The following TRIM33 variants were observed in gnomAD, a reference collection of about 807,000 sequenced individuals.
The protein encoded by TRIM33 is tripartite motif containing 33, also known as E3 ubiquitin-protein ligase TRIM33.
In TRIM33, 20 loss-of-function variants were observed where a neutral mutation model predicts 125.4. The ratio of observed to expected loss-of-function variants is 0.16; its 90% CI spans 0.11 to 0.23. The LOEUF (loss-of-function observed/expected upper bound fraction) is 0.23, where lower values mean the gene tolerates loss of function less well. TRIM33 is among the 10% of genes least tolerant of loss of function. TRIM33 has a pLI of 1.00. For synonymous variants in TRIM33, 564 were observed against 513.9 expected, an observed-to-expected ratio of 1.10 and a Z score of -1.32; for missense variants, 920 against 1,411.4, an observed-to-expected ratio of 0.65 and a Z score of 5.58.
Position 114,396,183 on chromosome 1 carries a change from C to G in TRIM33, c.*1465G>C, listed in dbSNP as rs1412756219. ...AATCTTTAATCAAACAAAAGAGAAG[C>G]CTGTAACAGTGTAGAACACACATTT... On this transcript the variant is annotated 3_prime_UTR_variant, in exon 20 of 20. Coordinates refer to ENST00000358465, the MANE Select transcript of TRIM33 (RefSeq NM_015906.4). 5 of 203,038 alleles carry G rather than the reference C, an allele frequency of 2.5e-5. No homozygotes were observed. The highest frequency in any genetic ancestry group is 1.0e-5 in the Non-Finnish European group (1 of 98,620). 12.6% of individuals were successfully genotyped at this position (203,038 alleles called of 1,614,324 possible).
chr1:114,421,390 AATTAAC>A (rs765164680), intron 11 of TRIM33, 40 bp downstream of exon 11: 3 of 1,527,458 alleles, frequency 2.0e-6, no homozygotes, highest in East Asian at 2.3e-5. Context: ...CTAACTCTGT[AATTAAC>A]ATTAAGTTTA....
chr1:114,492,923 T>C (rs2101541535), intron 1 of TRIM33, among the ~76,000 whole-genome samples: 1 of 152,342 alleles, frequency 6.6e-6, no homozygotes, highest in Admixed American at 6.5e-5. Context: ...GTCACAGATA[T>C]GTAAGAATGG....
chr1:114,442,708 A>G (rs1199886264), intron 4 of TRIM33, among the ~76,000 whole-genome samples: 3 of 151,128 alleles, frequency 2.0e-5, no homozygotes, highest in Non-Finnish European at 4.4e-5. Flanking sequence ...AAAAAAAGAA[A>G]AAAAAAGAAA....
chr1:114,429,830 T>C (rs1023641204), intron 6 of TRIM33, among the ~76,000 whole-genome samples: 3 of 152,116 alleles, frequency 2.0e-5, no homozygotes, highest in Admixed American at 6.5e-5. Flanking sequence ...TCAGGAAACA[T>C]TTCTCTTTCT....
chr1:114,459,302 C>T (rs1420925699), intron 4 of TRIM33, among the ~76,000 whole-genome samples: 1 of 152,082 alleles, frequency 6.6e-6, no homozygotes, highest in Non-Finnish European at 1.5e-5. Flanking sequence ...AATCACGCAT[C>T]CCTAAATAAT....
intron 17 of TRIM33, among the ~76,000 whole-genome samples, chr1:114,400,610 C>A (rs1651813335): frequency 6.6e-6 from 1 of 152,212 alleles, no homozygotes; most frequent in South Asian, 2.1e-4. Context: ...CAGATGATTA[C>A]TGCTTGTACA....
At chr1:114,457,272 AGT>A (rs1190500775) in intron 4 of TRIM33, among the ~76,000 whole-genome samples, 1 of 152,190 alleles carries the variant, frequency 6.6e-6, no homozygotes, top group East Asian at 1.9e-4. Context: ...GATTTTGGGA[AGT>A]GTCAGCCACA....
At chr1:114,449,756 C>T (rs879444954) in intron 4 of TRIM33, among the ~76,000 whole-genome samples, 8 of 152,158 alleles carry the variant, frequency 5.3e-5, no homozygotes, top group Non-Finnish European at 7.3e-5. Context: ...ATGCTGCAAT[C>T]GCTAATGTTT....
At position 114,427,314 on chromosome 1, in the gene TRIM33, A is replaced by G; in HGVS notation, c.1303-20T>C. 8.0e-7 allele frequency: 1 copy of G among 1,254,038 alleles called. No individual in the cohort carries two copies. The highest frequency in any genetic ancestry group is 1.1e-6 in the Non-Finnish European group (1 of 876,478). The allele number at this position is 1,254,038 out of a possible 1,614,324, so 77.7% of individuals were successfully genotyped here. ...AGTAATCTTAAAGGGAAAAAAATCCACATTAGTCTCAAAATTAAATATCAA... is the reference window on the plus strand; with the variant it reads ...AGTAATCTTAAAGGGAAAAAAATCCGCATTAGTCTCAAAATTAAATATCAA... On this transcript the variant is annotated intron_variant, in intron 7 of 19. Coordinates refer to ENST00000358465, the MANE Select transcript of TRIM33 (RefSeq NM_015906.4).
chr1:114,481,695 GTATA>G (rs1395240162), intron 1 of TRIM33, among the ~76,000 whole-genome samples: 1 of 150,498 alleles, frequency 6.6e-6, no homozygotes, highest in African/African-American at 2.4e-5. Context: ...ATATATGTGT[GTATA>G]TATATATTTT....
At chr1:114,424,147 T>TAA (rs201249622) in intron 10 of TRIM33, among the ~76,000 whole-genome samples, 2 of 150,916 alleles carry the variant, frequency 1.3e-5, no homozygotes, top group African/African-American at 2.4e-5. Flanking sequence ...AGAGAAAAGG[T>TAA]AAAAAAAAAT....
chr1:114,424,730 G>A lies in TRIM33; in HGVS notation c.1721C>T (p.Thr574Ile). The A allele has an allele frequency of 6.3e-7, 1 of 1,586,870 alleles. No homozygotes were observed. Among genetic ancestry groups the A allele is most frequent in the Non-Finnish European group, 8.6e-7 (1 of 1,166,596 alleles). ...ACAGTTCATGTTGCCTCTTTGCATT[G>A]TTTGCACACTGATCAATCGAGGAGG... ...QQPPRLISVQTMQRGNMNCGA... is the reference protein window; with the variant it reads ...QQPPRLISVQIMQRGNMNCGA... Residue 574 changes from threonine (T) to isoleucine (I), a missense_variant, in exon 10 of 20, where the codon ACA becomes ATA. Thr to Ile is a moderately conservative substitution (Grantham distance 89). Transcript: ENST00000358465.
chr1:114,475,019 T>C (rs1390085740), intron 1 of TRIM33, among the ~76,000 whole-genome samples: 1 of 151,928 alleles, frequency 6.6e-6, no homozygotes, highest in Non-Finnish European at 1.5e-5. Flanking sequence ...CTCAGGAAGA[T>C]ATAGTTATAT....
At chr1:114,476,937 A>G (rs970772959) in intron 1 of TRIM33, among the ~76,000 whole-genome samples, 1 of 152,200 alleles carries the variant, frequency 6.6e-6, no homozygotes, top group African/African-American at 2.4e-5. Flanking sequence ...ATCTAGAACA[A>G]AAGAGTGAAA....
intron 11 of TRIM33, among the ~76,000 whole-genome samples, chr1:114,419,200 C>CAAAAAAAAAAAAA (rs35757503): frequency 3.7e-5 from 2 of 54,304 alleles, no homozygotes; most frequent in African/African-American, 1.2e-4. Flanking sequence ...GACACCATCT[C>CAAAAAAAAAAAAA]AAAAAAAAAA....
In TRIM33 at chr1:114,394,197, G is replaced by T. The variant is rs1651423032; in HGVS notation, c.*3451C>A. 4.4e-6 allele frequency: 1 copy of T among 229,108 alleles called. No individual in the cohort carries two copies. The highest frequency in any genetic ancestry group is 8.7e-6 in the Non-Finnish European group (1 of 115,310). 14.2% of individuals were successfully genotyped at this position (229,108 alleles called of 1,614,324 possible). ...TTATAAAACTACTCACTGATCCGAT[G>T]CTGAGTATGCAAATAAGCAGTGCTG... On this transcript the variant is annotated 3_prime_UTR_variant, in exon 20 of 20. Coordinates refer to ENST00000358465, the MANE Select transcript of TRIM33 (RefSeq NM_015906.4).
rs542062084 is a variant in TRIM33 at position 114,498,493 on chromosome 1, A to C, written c.526+12058T>G. ...TGAAACTCGTCTCTACTAAAAATAC[A>C]AAAAAATTAGCCAGGTGTGGTGGCA... On this transcript the variant is annotated intron_variant, in intron 1 of 19. Transcript: ENST00000358465. Among the ~76,000 whole-genome samples the C allele has an allele frequency of 3.3e-3, 500 of 152,096 alleles. 3 individuals carry two copies. Among genetic ancestry groups the C allele is most frequent in the African/African-American group, 0.011 (471 of 41,494 alleles).
intron 1 of TRIM33, among the ~76,000 whole-genome samples, chr1:114,505,494 A>G (rs1652944479): frequency 6.6e-6 from 1 of 150,602 alleles, no homozygotes; most frequent in African/African-American, 2.4e-5. Flanking sequence ...TCTTCACACT[A>G]CACTCAGAGG....
In TRIM33 at chr1:114,402,772, G is replaced by A. The variant is rs2179657; in HGVS notation, c.2880C>T (p.Pro960=). Reference sequence around the variant, plus strand: ...ATTTGACACTTACCCTTTGGTCCACGGGGCTTAACCCCTGCGCAGTTTTCC... The same window carrying A: ...ATTTGACACTTACCCTTTGGTCCACAGGGCTTAACCCCTGCGCAGTTTTCC... ...KKGKTAQGLS[P]VDQRKCERLL... Residue 960 remains proline (P), a synonymous_variant, in exon 16 of 20, where the codon CCC becomes CCT. Transcript: ENST00000358465. 7,348 of 1,612,914 alleles carry A rather than the reference G, an allele frequency of 4.6e-3. 314 individuals are homozygous for A. In the African/African-American group the frequency reaches 0.088, roughly 19 times the overall value.
Sources: gnomAD v4.1 joint callset for allele counts (sites outside exome capture counted in the v4.1 genomes callset) on GRCh38, gnomAD v4.1.1 for gene constraint, MANE v1.5 for transcripts, NCBI Gene and HGNC (gene_info 2026-07-23, HGNC 2026-07-21) for gene names.